The following ARHGAP27 variants were observed in gnomAD, a reference collection of about 807,000 sequenced individuals.
The protein encoded by ARHGAP27 is Rho GTPase activating protein 27.
Under a neutral mutation model 102.0 loss-of-function variants are expected in ARHGAP27, and 53 were observed. The ratio of observed to expected loss-of-function variants is 0.52; its 90% CI spans 0.42 to 0.65. The LOEUF (loss-of-function observed/expected upper bound fraction) is 0.65, where lower values mean the gene tolerates loss of function less well. Ranked by LOEUF, ARHGAP27 falls within the 30% of genes least tolerant of loss-of-function variation. ARHGAP27 has a pLI of 0.00. For synonymous variants in ARHGAP27, 525 were observed against 542.8 expected (o/e 0.97, Z 0.46); for missense variants, 1,117 against 1,256.2 (o/e 0.89, Z 1.68).
At chr17:45,410,638 T>G (rs897272574) in intron 4 of ARHGAP27, among the ~76,000 whole-genome samples, 1 of 152,134 alleles carries the variant, frequency 6.6e-6, no homozygotes, top group Non-Finnish European at 1.5e-5. Context: ...CAGCATGAAC[T>G]GCACAGAGAG....
intron 4 of ARHGAP27, among the ~76,000 whole-genome samples, chr17:45,424,076 T>C (rs7222389): frequency 0.14 from 21,218 of 152,192 alleles, 1,766 homozygotes; most frequent in Middle Eastern, 0.23. Flanking sequence ...TAGACAGACA[T>C]GGAGGCCTGG....
At chr17:45,403,855 A>G in intron 10 of ARHGAP27, 146 bp from the exon 11 acceptor site, 1 of 973,348 alleles carries the variant, frequency 1.0e-6, no homozygotes, top group African/African-American at 1.6e-5. Flanking sequence ...TCTAACACCT[A>G]GCAGCCGAGG....
At position 45,396,483 on chromosome 17, in the gene ARHGAP27, G is replaced by T. The variant is rs769677156; in HGVS notation, c.2173+4C>A. 1.3e-6 allele frequency: 2 copies of T among 1,532,870 alleles called. No individual in the cohort carries two copies. The highest frequency in any genetic ancestry group is 1.7e-6 in the Non-Finnish European group (2 of 1,144,720). The allele number at this position is 1,532,870 out of a possible 1,614,324, so 95.0% of individuals were successfully genotyped here. On this transcript the variant is annotated splice_donor_region_variant and intron_variant, in intron 16 of 19. Transcript: ENST00000685559. ...TGCCGCCCTCACCCCCGCAGCGCAC[G>T]TACCGCGGGCCTCGACGGCGCGGAT...
At chr17:45,399,687 C>T (rs1184361807) in intron 12 of ARHGAP27, among the ~76,000 whole-genome samples, 1 of 152,082 alleles carries the variant, frequency 6.6e-6, no homozygotes, top group Non-Finnish European at 1.5e-5. Context: ...AGGCAGATAA[C>T]ACAGCCTCAC....
chr17:45,426,605 G>T (rs1203756147), intron 4 of ARHGAP27, among the ~76,000 whole-genome samples: 1 of 143,866 alleles, frequency 7.0e-6, no homozygotes, highest in Non-Finnish European at 1.5e-5. Context: ...CCCACATCCT[G>T]CCCCCTCTGT....
chr17:45,430,397 C>T lies in ARHGAP27; in HGVS notation c.-18-100G>A. 1.4e-6 allele frequency: 2 copies of T among 1,455,504 alleles called. No homozygotes were observed. The highest frequency in any genetic ancestry group is 1.4e-5 in the South Asian group (1 of 72,578). 90.2% of individuals were successfully genotyped at this position (1,455,504 alleles called of 1,614,324 possible). ...CTTGGGTTCGAGTCCCGATCCTGCA[C>T]TCGCCGTTCGCCTTCGGGCCTCAGT... On this transcript the variant is annotated intron_variant, in intron 3 of 19. Transcript: ENST00000685559. This position sits in a 1 kb window ranked among gnomAD's most constrained non-coding sequence, Gnocchi z 4.4.
At chr17:45,423,905 A>G (rs2049286985) in intron 4 of ARHGAP27, among the ~76,000 whole-genome samples, 1 of 152,234 alleles carries the variant, frequency 6.6e-6, no homozygotes, top group Admixed American at 6.5e-5. Context: ...ATTTCCTCCT[A>G]TTATTCAAAT....
At chr17:45,431,997 C>A in intron 2 of ARHGAP27, among the ~76,000 whole-genome samples, 1 of 150,158 alleles carries the variant, frequency 6.7e-6, no homozygotes, top group Non-Finnish European at 1.5e-5. Context: ...CGCCTTCCCC[C>A]TCTATTCCCC....
intron 4 of ARHGAP27, among the ~76,000 whole-genome samples, chr17:45,412,711 G>T (rs553947033): frequency 6.6e-5 from 10 of 152,322 alleles, no homozygotes; most frequent in Non-Finnish European, 1.0e-4. Context: ...GACAGAAACT[G>T]GGTCTCCCTT....
chr17:45,412,269 G>C (rs1233978477), intron 4 of ARHGAP27, among the ~76,000 whole-genome samples: 1 of 152,208 alleles, frequency 6.6e-6, no homozygotes, highest in Non-Finnish European at 1.5e-5. Flanking sequence ...AGTGAGAGGA[G>C]GTGATGACCA....
chr17:45,422,596 G>A (rs2049143312), intron 4 of ARHGAP27, among the ~76,000 whole-genome samples: 1 of 152,020 alleles, frequency 6.6e-6, no homozygotes, highest in Admixed American at 6.5e-5. Context: ...GGATAAAGAG[G>A]GACACCACGT....
chr17:45,423,113 G>A (rs1470451625), intron 4 of ARHGAP27, among the ~76,000 whole-genome samples: 2 of 152,034 alleles, frequency 1.3e-5, no homozygotes, highest in Non-Finnish European at 2.9e-5. Flanking sequence ...CCCAGGAGGT[G>A]GAGGTTGCGG....
chr17:45,403,733 G>T, intron 10 of ARHGAP27, 24 bp from the exon 11 acceptor site: 1 of 1,596,044 alleles, frequency 6.3e-7, no homozygotes, highest in Non-Finnish European at 8.6e-7. Context: ...GGGAAGTGGG[G>T]GTGGCAGGAC....
chr17:45,406,020 C>A lies in ARHGAP27; in HGVS notation c.721G>T (p.Gly241Cys). 6.5e-7 allele frequency: 1 copy of A among 1,534,854 alleles called. No individual in the cohort carries two copies. The highest frequency in any genetic ancestry group is 1.2e-5 in the South Asian group (1 of 83,964). ...CTGGGAAGGGGGGCTGCAGCGGCGC[C>A]CGGTGAAGTGGCCCGGGGCTGCCTC... ...IERQPRATSPGAAAAPLPSPV... is the reference protein window; with the variant it reads ...IERQPRATSPCAAAAPLPSPV... Residue 241 changes from glycine (G) to cysteine (C), a missense_variant, in exon 5 of 20, where the codon GGC becomes TGC. Gly to Cys is a radical substitution (Grantham distance 159). This residue lies in a region of ARHGAP27 where 610 missense variants were observed against 716.4 expected (regional missense o/e 0.85). Transcript: ENST00000685559.
Position 45,395,244 on chromosome 17 carries a change from G to C in ARHGAP27, c.*212C>G. 3.3e-6 allele frequency: 2 copies of C among 614,452 alleles called. No individual in the cohort carries two copies. The highest frequency in any genetic ancestry group is 5.8e-5 in the East Asian group (2 of 34,620). The allele number at this position is 614,452 out of a possible 1,614,324, so 38.1% of individuals were successfully genotyped here. Reference sequence around the variant, plus strand: ...CAAACAGGACGTGACGGGAAGGGAAGGGGGGATGGGGAGTTGGGAAGAAGG... The same window carrying C: ...CAAACAGGACGTGACGGGAAGGGAACGGGGGATGGGGAGTTGGGAAGAAGG... On this transcript the variant is annotated 3_prime_UTR_variant, in exon 20 of 20. Coordinates refer to ENST00000685559, the MANE Select transcript of ARHGAP27 (RefSeq NM_001282290.2).
Position 45,427,744 on chromosome 17 carries a change from C to T in ARHGAP27, c.657+1879G>A, listed in dbSNP as rs2049756412. Among the ~76,000 whole-genome samples the T allele has an allele frequency of 1.3e-5, 2 of 152,186 alleles. No individual in the cohort carries two copies. Among genetic ancestry groups the T allele is most frequent in the South Asian group, 4.1e-4 (2 of 4,830 alleles). ...CGACTTGTGGAGGTCACAAGTGGGGCCAGAGAGCTGCCTGTCTCTGGCCAA... is the reference window on the plus strand; with the variant it reads ...CGACTTGTGGAGGTCACAAGTGGGGTCAGAGAGCTGCCTGTCTCTGGCCAA... On this transcript the variant is annotated intron_variant, in intron 4 of 19. Transcript: ENST00000685559. The surrounding 1 kb of genome is among the most constrained non-coding windows in gnomAD (Gnocchi z 4.5).
At chr17:45,410,400 G>A in intron 4 of ARHGAP27, 2 of 1,353,822 alleles carry the variant, frequency 1.5e-6, no homozygotes, top group Non-Finnish European at 9.5e-7. Context: ...AAGTTGCCGA[G>A]ATGGCGGGAG....
At chr17:45,423,429 C>T (rs367811484) in intron 4 of ARHGAP27, among the ~76,000 whole-genome samples, 4 of 152,110 alleles carry the variant, frequency 2.6e-5, no homozygotes, top group East Asian at 1.9e-4. Context: ...AAAAGGCACC[C>T]GGTCCAGAGG....
rs766669825 is a variant in ARHGAP27 at position 45,396,225 on chromosome 17, G to A, written c.2233C>T (p.Arg745Cys). 5.0e-6 allele frequency: 8 copies of A among 1,613,204 alleles called. No individual in the cohort carries two copies. The highest frequency in any genetic ancestry group is 1.3e-5 in the African/African-American group (1 of 74,922). ...GCCTCACCGTGGTCCACCTTATAGC[G>A]TAGCTTCTGGATGGTGGCCAGGTTT... ...SGNLATIQKL[R>C]YKVDHDERLD... The change falls in exon 17 of 20, where the codon CGC becomes TGC. Residue 745 changes from arginine (R) to cysteine (C), a missense_variant. Arg to Cys is a radical substitution (Grantham distance 180). This residue lies in a region of ARHGAP27 where 493 missense variants were observed against 505.5 expected (regional missense o/e 0.98). Transcript: ENST00000685559.
Sources: allele counts gnomAD v4.1 joint callset (sites outside exome capture counted in the v4.1 genomes callset), GRCh38; gene constraint gnomAD v4.1.1; regional missense constraint gnomAD v4.1.1; non-coding constraint Gnocchi (gnomAD v3.1); transcripts MANE v1.5; gene names NCBI Gene and HGNC (gene_info 2026-07-23, HGNC 2026-07-21).